Variants in CELF2 observed in about 807,000 individuals in gnomAD.
CELF2 encodes CUGBP Elav-like family member 2, also known as CUG triplet repeat RNA-binding protein 2.
In CELF2, 8 loss-of-function variants were observed where a neutral mutation model predicts 62.6. The ratio of observed to expected loss-of-function variants is 0.13; its 90% CI spans 0.07 to 0.23. The LOEUF (loss-of-function observed/expected upper bound fraction) is 0.23. Ranked by LOEUF, CELF2 falls within the 10% of genes least tolerant of loss-of-function variation. CELF2 has a pLI of 1.00. For synonymous variants in CELF2, 258 were observed against 250.0 expected (o/e 1.03, Z -0.30); for missense variants, 333 against 671.0 (o/e 0.50, Z 5.56).
the CELF2 span, among the ~76,000 whole-genome samples, chr10:10,782,433 C>T: frequency 5.6e-4 from 86 of 152,242 alleles, no homozygotes; most frequent in African/African-American, 1.8e-3. Context: ...CTGTTCTAGT[C>T]GGGCCTTCAG....
chr10:10,633,230 A>T, the CELF2 span, among the ~76,000 whole-genome samples: 1 of 152,216 alleles, frequency 6.6e-6, no homozygotes, highest in Non-Finnish European at 1.5e-5. Flanking sequence ...TTTGAATAAT[A>T]TGGACACTTT....
At chr10:10,823,923 T>C (rs1192789804) in intron 1 of CELF2, among the ~76,000 whole-genome samples, 1 of 152,094 alleles carries the variant, frequency 6.6e-6, no homozygotes. Context: ...TGTGGATAGA[T>C]GGGTAGATAG....
At chr10:11,229,048 C>G (rs959073882) in intron 3 of CELF2, among the ~76,000 whole-genome samples, 8 of 152,166 alleles carry the variant, frequency 5.3e-5, no homozygotes, top group Non-Finnish European at 1.0e-4. Context: ...CCAAGCTCCT[C>G]ACTTGATAGA....
intron 1 of CELF2, among the ~76,000 whole-genome samples, chr10:10,864,173 C>T (rs374734894): frequency 6.6e-6 from 1 of 152,066 alleles, no homozygotes; most frequent in Non-Finnish European, 1.5e-5. Context: ...CATAAAATAT[C>T]GGTTAATATC....
At chr10:10,497,321 G>C in the CELF2 span, among the ~76,000 whole-genome samples, 2 of 152,094 alleles carry the variant, frequency 1.3e-5, no homozygotes, top group Non-Finnish European at 2.9e-5. Flanking sequence ...CAGAGGAAGA[G>C]AAACAAAGGA....
intron 2 of CELF2, among the ~76,000 whole-genome samples, chr10:11,179,302 C>T (rs2133958358): frequency 6.6e-6 from 1 of 152,202 alleles, no homozygotes; most frequent in East Asian, 1.9e-4. Flanking sequence ...AATCAAAGCT[C>T]CACGCACACT....
rs191727897 is a variant in CELF2, at chr10:11,151,616, G to A, written c.75-13870G>A. 2.0e-3 allele frequency among the ~76,000 whole-genome samples: 309 copies of A among 152,172 alleles called. 2 individuals carry two copies. The highest frequency in any genetic ancestry group is 6.8e-3 in the African/African-American group (281 of 41,512). On this transcript the variant is annotated intron_variant, in intron 1 of 12. Transcript: ENST00000633077. Reference sequence around the variant, plus strand: ...CCATGAGCCTTGCTGTAGAACCTGTGGCTCCAGAGAGCCACCTGGCCACAG... The same window carrying A: ...CCATGAGCCTTGCTGTAGAACCTGTAGCTCCAGAGAGCCACCTGGCCACAG...
At position 10,983,868 on chromosome 10, in the gene CELF2, A is replaced by C. The variant is rs2052430736; in HGVS notation, c.89+63869A>C. On this transcript the variant is annotated intron_variant, in intron 2 of 13. Coordinates refer to the CELF2 transcript ENST00000636488. The surrounding 1 kb of genome is among the most constrained non-coding windows in gnomAD (Gnocchi z 5.2). ...GCATGAGCTACCACGCCTGGCCGAT[A>C]TATCTGTTATTAATGTAGGTTTTGA... is the stretch of plus-strand genomic sequence containing the variant. Among the ~76,000 whole-genome samples the C allele has an allele frequency of 6.6e-6, 1 of 152,166 alleles. No homozygotes were observed. Among genetic ancestry groups the C allele is most frequent in the Admixed American group, 6.5e-5 (1 of 15,282 alleles).
At chr10:10,775,555 G>C in the CELF2 span, among the ~76,000 whole-genome samples, 2 of 151,928 alleles carry the variant, frequency 1.3e-5, no homozygotes, top group African/African-American at 4.8e-5. Context: ...GAACCCAGCA[G>C]GCAGAGGCTG....
At chr10:10,732,606 C>G in the CELF2 span, among the ~76,000 whole-genome samples, 1 of 150,710 alleles carries the variant, frequency 6.6e-6, no homozygotes, top group Non-Finnish European at 1.5e-5. Flanking sequence ...TCACTGCAAC[C>G]TCTGTCTCCC....
In CELF2 at chr10:11,126,895, T is replaced by C. The variant is rs367970976; in HGVS notation, c.75-38591T>C. Among the ~76,000 whole-genome samples the C allele has an allele frequency of 4.0e-3, 610 of 152,036 alleles. 2 individuals carry two copies. The highest frequency in any genetic ancestry group is 0.014 in the African/African-American group (560 of 41,392). On this transcript the variant is annotated intron_variant, in intron 1 of 12. Transcript: ENST00000633077. Reference sequence around the variant, plus strand: ...TTTTTAAGTTCATTTTCAGCCTCTTTATTGTCTTTTTTTTTTAATACTTTA... The same window carrying C: ...TTTTTAAGTTCATTTTCAGCCTCTTCATTGTCTTTTTTTTTTAATACTTTA...
rs1055941732 is a variant in CELF2, at chr10:11,211,547, T to C, written c.272-5878T>C. On this transcript the variant is annotated intron_variant, in intron 2 of 12. Transcript: ENST00000633077. The surrounding 1 kb of genome is among the most constrained non-coding windows in gnomAD (Gnocchi z 4.8). Reference sequence around the variant, plus strand: ...ATTCACAGCAAACCGTGATATAAACTGGTTATCTTTATATATCAGTACATT... The same window carrying C: ...ATTCACAGCAAACCGTGATATAAACCGGTTATCTTTATATATCAGTACATT... Among the ~76,000 whole-genome samples, 4 of 152,220 alleles carry C rather than the reference T, an allele frequency of 2.6e-5. No individual in the cohort carries two copies. The highest frequency in any genetic ancestry group is 5.9e-5 in the Non-Finnish European group (4 of 68,038).
At chr10:11,183,593 C>T (rs1243395505) in intron 2 of CELF2, among the ~76,000 whole-genome samples, 1 of 152,198 alleles carries the variant, frequency 6.6e-6, no homozygotes, top group Non-Finnish European at 1.5e-5. Context: ...CTCCACATTC[C>T]CTCCAACACT....
the CELF2 span, among the ~76,000 whole-genome samples, chr10:10,768,852 G>A: frequency 1.3e-5 from 2 of 152,158 alleles, no homozygotes; most frequent in South Asian, 2.1e-4. Flanking sequence ...GGGATTACGG[G>A]CGTGAGCCAC....
intron 2 of CELF2, among the ~76,000 whole-genome samples, chr10:11,168,278 C>A (rs910197652): frequency 6.6e-6 from 1 of 152,204 alleles, no homozygotes; most frequent in South Asian, 2.1e-4. Flanking sequence ...CCAAGTCTCA[C>A]ATCAAATATT....
chr10:11,116,324 A>C (rs941849912), intron 1 of CELF2, among the ~76,000 whole-genome samples: 1 of 152,220 alleles, frequency 6.6e-6, no homozygotes, highest in Admixed American at 6.5e-5. Flanking sequence ...GAGATGCCTG[A>C]GTCTGTTGAC....
At chr10:10,567,314 G>C in the CELF2 span, among the ~76,000 whole-genome samples, 2 of 152,182 alleles carry the variant, frequency 1.3e-5, no homozygotes, top group African/African-American at 4.8e-5. Context: ...TTCAAGTAGA[G>C]GTAGTTTGAA....
chr10:11,314,623 T>C lies in CELF2; in HGVS notation c.1096+365T>C. The C allele has an allele frequency of 2.9e-6, 1 of 348,196 alleles. No individual in the cohort carries two copies. The highest frequency in any genetic ancestry group is 5.6e-6 in the Non-Finnish European group (1 of 178,088). The allele number at this position is 348,196 out of a possible 1,614,324, so 21.6% of individuals were successfully genotyped here. A position where few individuals can be genotyped will look rare whatever the true frequency, so the allele number is the denominator to read the frequency against. On this transcript the variant is annotated intron_variant, in intron 10 of 12. Coordinates refer to ENST00000633077, the MANE Select transcript of CELF2 (RefSeq NM_001326342.2). The surrounding 1 kb of genome is among the most constrained non-coding windows in gnomAD (Gnocchi z 5.3). ...GGGAAAAGTTAATGGACTGGAAGGC[T>C]GGAAGCCTGAACCCAGCTCTGCTGC...
chr10:10,728,440 G>A, the CELF2 span, among the ~76,000 whole-genome samples: 1 of 124,634 alleles, frequency 8.0e-6, no homozygotes, highest in East Asian at 2.4e-4. Context: ...GTGACAGCAT[G>A]AGACTCTGTT....
Sources: allele counts gnomAD v4.1 joint callset (sites outside exome capture counted in the v4.1 genomes callset), GRCh38; gene constraint gnomAD v4.1.1; non-coding constraint Gnocchi (gnomAD v3.1); transcripts MANE v1.5; gene names NCBI Gene and HGNC (gene_info 2026-07-23, HGNC 2026-07-21).